Variants in NRG3 observed in about 807,000 individuals in gnomAD.
NRG3 encodes pro-neuregulin-3, membrane-bound isoform.
NRG3 carries 31 observed loss-of-function variants against 66.9 expected under a neutral mutation model. The observed-to-expected ratio is 0.46, with a 90% CI of 0.35 to 0.63. NRG3 has a LOEUF of 0.63. Among genes scored for constraint, NRG3 ranks in the 20% least tolerant of loss-of-function variants. The pLI, the probability that NRG3 is intolerant of heterozygous loss-of-function variation, is 0.00. For missense variants in NRG3, 910 were observed against 878.9 expected (o/e 1.04, Z -0.45); for synonymous variants, 393 against 359.4 (o/e 1.09, Z -1.06).
chr10:82,517,485 G>T (rs1474562532), intron 2 of NRG3, among the ~76,000 whole-genome samples: 1 of 152,094 alleles, frequency 6.6e-6, no homozygotes, highest in Non-Finnish European at 1.5e-5. Flanking sequence ...TAAAATTGCG[G>T]CTGTAGTCAC....
intron 3 of NRG3, among the ~76,000 whole-genome samples, chr10:82,756,821 T>G (rs1215833191): frequency 3.9e-5 from 5 of 128,114 alleles, no homozygotes; most frequent in Non-Finnish European, 8.7e-5. Context: ...AGCACTACTG[T>G]TTTTTTTTTT....
rs77396161 is a variant in NRG3 at position 82,379,565 on chromosome 10, G to T, written c.953+20697G>T. The stretch of plus-strand genomic sequence containing the variant: ...AGGATTAAATGAATTGATATATGCG[G>T]TGCATAGGCTATAAAGTGTTTAAAC... On this transcript the variant is annotated intron_variant, in intron 2 of 8. Transcript: ENST00000372141. Among the ~76,000 whole-genome samples the T allele has an allele frequency of 3.3e-5, 5 of 152,066 alleles. 1 individual carries two copies. Among genetic ancestry groups the T allele is most frequent in the Non-Finnish European group, 7.4e-5 (5 of 68,022 alleles).
intron 1 of NRG3, among the ~76,000 whole-genome samples, chr10:82,258,501 A>G (rs566535270): frequency 1.3e-5 from 2 of 152,308 alleles, no homozygotes; most frequent in East Asian, 1.9e-4. Context: ...TATCTATCAT[A>G]TGGATTTTCA....
intron 1 of NRG3, among the ~76,000 whole-genome samples, chr10:82,343,845 A>G (rs964316922): frequency 2.0e-5 from 3 of 152,012 alleles, no homozygotes; most frequent in African/African-American, 7.2e-5. Flanking sequence ...CAGAAACAAG[A>G]GTTAACATTT....
chr10:82,634,045 G>T (rs1307253739), intron 2 of NRG3, among the ~76,000 whole-genome samples: 1 of 152,124 alleles, frequency 6.6e-6, no homozygotes, highest in East Asian at 1.9e-4. Context: ...AGAGATTATG[G>T]TTCATAAAGG....
chr10:82,978,233 A>G (rs1207637451), intron 7 of NRG3, among the ~76,000 whole-genome samples: 1 of 152,146 alleles, frequency 6.6e-6, no homozygotes, highest in South Asian at 2.1e-4. Context: ...TGCATAATCT[A>G]TGTAGGAATT....
At chr10:82,280,988 A>G (rs780552907) in intron 1 of NRG3, among the ~76,000 whole-genome samples, 6 of 152,158 alleles carry the variant, frequency 3.9e-5, no homozygotes, top group Non-Finnish European at 8.8e-5. Flanking sequence ...TCATAATTGT[A>G]GCCTGATTAA....
chr10:82,653,686 A>G (rs1185259334), intron 2 of NRG3, among the ~76,000 whole-genome samples: 3 of 151,912 alleles, frequency 2.0e-5, no homozygotes, highest in African/African-American at 7.3e-5. Context: ...GTGGATCACC[A>G]TAATCCTGCC....
intron 1 of NRG3, among the ~76,000 whole-genome samples, chr10:82,105,760 A>G (rs185521974): frequency 6.6e-5 from 10 of 152,354 alleles, no homozygotes; most frequent in Admixed American, 2.0e-4. Context: ...ATAGACATAA[A>G]TGATAACAAT....
At chr10:82,275,681 G>T (rs1250950385) in intron 1 of NRG3, among the ~76,000 whole-genome samples, 3 of 151,830 alleles carry the variant, frequency 2.0e-5, no homozygotes, top group Admixed American at 1.3e-4. Flanking sequence ...ACTGACTCTT[G>T]TCAGTATATT....
chr10:82,924,407 C>T (rs1286496932), intron 4 of NRG3, among the ~76,000 whole-genome samples: 1 of 152,170 alleles, frequency 6.6e-6, no homozygotes, highest in East Asian at 1.9e-4. Context: ...AGAATTGGCT[C>T]ATCAGTTTGT....
intron 1 of NRG3, among the ~76,000 whole-genome samples, chr10:81,976,127 A>G (rs2060117344): frequency 6.6e-6 from 1 of 152,206 alleles, no homozygotes. Flanking sequence ...GTTTATGTTA[A>G]TCCCTTACAT....
chr10:82,721,485 C>T (rs1229298438), intron 2 of NRG3, among the ~76,000 whole-genome samples: 1 of 149,262 alleles, frequency 6.7e-6, no homozygotes, highest in East Asian at 2.0e-4. Flanking sequence ...TGCAATGGCA[C>T]GATCTTGGCT....
rs778580747 is a variant in NRG3, at chr10:82,358,762, C to T, written c.847C>T (p.Arg283Ter). The T allele has an allele frequency of 6.2e-7, 1 of 1,614,132 alleles. No individual in the cohort carries two copies. ...AGATACGACGACATATTCCACAGAG[C>T]GATCCGAGCACTTCAAACCCTGCCG... The part of the protein sequence containing the change: ...KFHTTTYSTE[R>*]SEHFKPCRDK... The change falls in exon 2 of 9, where the codon CGA (arginine) becomes TGA (stop). Residue 283 changes from arginine (R) to a stop codon, truncating the protein, a stop_gained. Coordinates refer to ENST00000372141, the MANE Select transcript of NRG3 (RefSeq NM_001010848.4). LOFTEE classifies it high-confidence loss of function.
At chr10:82,620,659 G>T (rs1196393820) in intron 2 of NRG3, among the ~76,000 whole-genome samples, 1 of 152,122 alleles carries the variant, frequency 6.6e-6, no homozygotes, top group Non-Finnish European at 1.5e-5. Context: ...GTAAAAAGAC[G>T]TTATTCAAAA....
chr10:82,685,413 G>A (rs2054439605), intron 2 of NRG3, among the ~76,000 whole-genome samples: 1 of 152,110 alleles, frequency 6.6e-6, no homozygotes, highest in South Asian at 2.1e-4. Context: ...AACGAACTAA[G>A]TACTCTTGGT....
At chr10:82,797,014 A>G (rs2060828134) in intron 3 of NRG3, among the ~76,000 whole-genome samples, 1 of 152,230 alleles carries the variant, frequency 6.6e-6, no homozygotes, top group Admixed American at 6.5e-5. Context: ...CAGAATTAGA[A>G]AAACTCTGAA....
chr10:82,567,833 A>G (rs990075996), intron 2 of NRG3, among the ~76,000 whole-genome samples: 2 of 151,764 alleles, frequency 1.3e-5, no homozygotes, highest in Admixed American at 6.6e-5. Flanking sequence ...CTCATATTTC[A>G]TCTTCAAACT....
intron 1 of NRG3, among the ~76,000 whole-genome samples, chr10:81,902,590 G>C (rs1039092435): frequency 3.3e-5 from 5 of 152,130 alleles, no homozygotes; most frequent in African/African-American, 9.7e-5. Context: ...CCAGGGCCTC[G>C]ATCTTGGACT....
Sources: allele counts gnomAD v4.1 joint callset (sites outside exome capture counted in the v4.1 genomes callset), GRCh38; gene constraint gnomAD v4.1.1; transcripts MANE v1.5; gene names NCBI Gene and HGNC (gene_info 2026-07-23, HGNC 2026-07-21).